Variants in PALM2AKAP2 observed in about 807,000 individuals in gnomAD.
PALM2AKAP2 encodes PALM2-AKAP2 fusion protein.
A neutral mutation model predicts 71.5 loss-of-function variants in PALM2AKAP2; 37 were observed. That is an observed-to-expected ratio of 0.52 (90% CI 0.40 to 0.68). PALM2AKAP2 has a LOEUF of 0.68. PALM2AKAP2 is among the 30% of genes least tolerant of loss of function. The pLI, the probability that PALM2AKAP2 is intolerant of heterozygous loss-of-function variation, is 0.00. For missense variants in PALM2AKAP2, 1,224 were observed against 1,191.8 expected, an observed-to-expected ratio of 1.03 and a Z score of -0.40; for synonymous variants, 468 against 478.8, an observed-to-expected ratio of 0.98 and a Z score of 0.29.
intron 6 of PALM2AKAP2, among the ~76,000 whole-genome samples, chr9:109,955,173 T>A (rs1831723597): frequency 6.6e-6 from 1 of 152,222 alleles, no homozygotes; most frequent in African/African-American, 2.4e-5. Flanking sequence ...GGGACTTACC[T>A]TAGCAAGATA....
intron 1 of PALM2AKAP2, among the ~76,000 whole-genome samples, chr9:110,117,872 T>G (rs527987502): frequency 9.4e-4 from 136 of 144,274 alleles, no homozygotes; most frequent in South Asian, 2.8e-3. Context: ...TATATATATA[T>G]AGAGAGAGAG....
At chr9:109,985,860 G>A (rs1832367678) in intron 6 of PALM2AKAP2, among the ~76,000 whole-genome samples, 1 of 152,036 alleles carries the variant, frequency 6.6e-6, no homozygotes, top group African/African-American at 2.4e-5. Context: ...ATGTTGGCCA[G>A]GCTGGTCTTG....
At chr9:110,029,218 A>T (rs1313942109) in intron 7 of PALM2AKAP2, among the ~76,000 whole-genome samples, 1 of 152,198 alleles carries the variant, frequency 6.6e-6, no homozygotes, top group African/African-American at 2.4e-5. Flanking sequence ...AACAACAAAA[A>T]CCCTTTACCT....
At chr9:110,048,767 C>T in exon 1 of PALM2AKAP2, 2 of 1,456,488 alleles carry the variant, frequency 1.4e-6, no homozygotes, top group Non-Finnish European at 1.9e-6. Flanking sequence ...CCGGAGTCTC[C>T]TGGACCCCCG....
chr9:109,672,662 A>G (rs879257677), intron 1 of PALM2AKAP2, among the ~76,000 whole-genome samples: 3 of 152,108 alleles, frequency 2.0e-5, no homozygotes, highest in Non-Finnish European at 4.4e-5. Flanking sequence ...TTTTTTGGGA[A>G]TAGTTTTAGT....
At chr9:109,928,566 C>T (rs2131979528) in intron 5 of PALM2AKAP2, among the ~76,000 whole-genome samples, 1 of 152,182 alleles carries the variant, frequency 6.6e-6, no homozygotes, top group South Asian at 2.1e-4. Context: ...CTATCAGACA[C>T]TTCCTGTCTA....
intron 1 of PALM2AKAP2, among the ~76,000 whole-genome samples, chr9:109,804,238 GAGCATGGC>G (rs1409953210): frequency 3.9e-5 from 6 of 152,306 alleles, no homozygotes; most frequent in African/African-American, 1.4e-4. Flanking sequence ...TCACAAAACA[GAGCATGGC>G]ATGGAGGAAA....
At chr9:109,660,018 A>C (rs1240549821) in intron 1 of PALM2AKAP2, among the ~76,000 whole-genome samples, 1 of 151,568 alleles carries the variant, frequency 6.6e-6, no homozygotes, top group Non-Finnish European at 1.5e-5. Context: ...TTTTTTGTAG[A>C]GATGGTGGTC....
chr9:109,796,825 C>T (rs968541185), intron 1 of PALM2AKAP2, among the ~76,000 whole-genome samples: 1 of 152,184 alleles, frequency 6.6e-6, no homozygotes, highest in Non-Finnish European at 1.5e-5. Context: ...CCAGGTTCTG[C>T]CCCTGACACA....
rs530119569 is a variant in PALM2AKAP2 at position 110,056,206 on chromosome 9, C to T, written c.156+7351C>T. ...TGTGAGGAAGGCCAAACCACATTTT[C>T]CTGGCAGTGGTTAACTGACCGTTTT... On this transcript the variant is annotated intron_variant, in intron 1 of 3. Transcript: ENST00000374525. Among the ~76,000 whole-genome samples, 404 of 152,328 alleles carry T rather than the reference C, an allele frequency of 2.7e-3. 2 individuals are homozygous for T. Among genetic ancestry groups the T allele is most frequent in the Non-Finnish European group, 5.0e-3 (341 of 68,034 alleles).
chr9:109,809,128 C>A (rs928616216), intron 1 of PALM2AKAP2, among the ~76,000 whole-genome samples: 6 of 152,206 alleles, frequency 3.9e-5, no homozygotes, highest in African/African-American at 1.4e-4. Context: ...CACACAGTGT[C>A]CCCACTAGGG....
In PALM2AKAP2 at chr9:109,870,710, AG is replaced by A. The variant is rs768371079; in HGVS notation, c.126+3140del. Among the ~76,000 whole-genome samples, 5 of 152,338 alleles carry A rather than the reference AG, an allele frequency of 3.3e-5. No homozygotes were observed. In the South Asian group the frequency reaches 6.2e-4, roughly 19 times the overall value. On this transcript the variant is annotated intron_variant, in intron 2 of 9. Coordinates refer to the PALM2AKAP2 transcript ENST00000302798. ...TTTCCAGGCCACCGTTCTCTTTGAA[AG>A]AAATGTTTCCTTTGGAATAATTCAT...
intron 2 of PALM2AKAP2, among the ~76,000 whole-genome samples, chr9:109,876,139 G>A (rs1829716518): frequency 1.3e-5 from 2 of 152,002 alleles, no homozygotes; most frequent in Non-Finnish European, 2.9e-5. Flanking sequence ...ACAGAGAAAA[G>A]TTTTTTTTAA....
At chr9:110,015,779 T>C (rs1335375617) in intron 6 of PALM2AKAP2, among the ~76,000 whole-genome samples, 175 bp from the exon 7 acceptor site, 2 of 152,144 alleles carry the variant, frequency 1.3e-5, no homozygotes, top group Non-Finnish European at 2.9e-5. Context: ...GCTCCAGGAC[T>C]ACACTTCTGA....
chr9:110,137,932 C>T, exon 2 of PALM2AKAP2: 1 of 1,614,178 alleles, frequency 6.2e-7, no homozygotes, highest in East Asian at 2.2e-5. Flanking sequence ...TTGATGACCC[C>T]TTGGAGTATC....
intron 1 of PALM2AKAP2, among the ~76,000 whole-genome samples, chr9:109,734,384 A>G (rs1828598640): frequency 6.6e-6 from 1 of 152,210 alleles, no homozygotes; most frequent in African/African-American, 2.4e-5. Flanking sequence ...AACTGTGCTG[A>G]TAGATAGCCA....
intron 1 of PALM2AKAP2, among the ~76,000 whole-genome samples, chr9:109,835,839 C>T (rs1828459209): frequency 1.3e-5 from 2 of 152,194 alleles, no homozygotes; most frequent in African/African-American, 4.8e-5. Flanking sequence ...GTGAGGGGTG[C>T]CTGCCATTGC....
intron 6 of PALM2AKAP2, among the ~76,000 whole-genome samples, chr9:109,952,540 A>T (rs1831663414): frequency 6.6e-6 from 1 of 152,214 alleles, no homozygotes; most frequent in Non-Finnish European, 1.5e-5. Flanking sequence ...CCAGGTTAAG[A>T]TTGACAAGAG....
At chr9:110,074,622 T>G (rs2118630328) in intron 1 of PALM2AKAP2, among the ~76,000 whole-genome samples, 1 of 152,332 alleles carries the variant, frequency 6.6e-6, no homozygotes, top group South Asian at 2.1e-4. Flanking sequence ...AAGACTCCAA[T>G]AGTTCACAAA....
Sources: allele counts gnomAD v4.1 joint callset (sites outside exome capture counted in the v4.1 genomes callset), GRCh38; gene constraint gnomAD v4.1.1; transcripts MANE v1.5; gene names NCBI Gene and HGNC (gene_info 2026-07-23, HGNC 2026-07-21).